C2orf76: variants seen among roughly 807,000 people sequenced by gnomAD.
C2orf76 encodes UPF0538 protein C2orf76.
A neutral mutation model predicts 16.9 loss-of-function variants in C2orf76; 23 were observed. The observed-to-expected ratio is 1.36, with a 90% CI of 0.98 to 1.93. The LOEUF is 1.93. Ranked by LOEUF, C2orf76 falls within the 30% of genes most tolerant of loss-of-function variation. C2orf76 has a pLI of 0.00. For missense variants in C2orf76, 152 were observed against 152.6 expected (o/e 1.00, Z 0.02); for synonymous variants, 48 against 52.3 (o/e 0.92, Z 0.35).
chr2:119,347,564 A>C (rs970346868), intron 1 of C2orf76, among the ~76,000 whole-genome samples: 1 of 152,104 alleles, frequency 6.6e-6, no homozygotes, highest in Non-Finnish European at 1.5e-5. Context: ...CAATTATAGA[A>C]GCGTAGATTA....
intron 1 of C2orf76, among the ~76,000 whole-genome samples, chr2:119,345,226 T>C (rs968989718): frequency 6.6e-6 from 1 of 152,196 alleles, no homozygotes; most frequent in Admixed American, 6.5e-5. Context: ...AACAGGCAAC[T>C]GGCTAAACTT....
the C2orf76 span, among the ~76,000 whole-genome samples, chr2:119,290,978 A>C: frequency 6.6e-6 from 1 of 152,014 alleles, no homozygotes; most frequent in Non-Finnish European, 1.5e-5. Context: ...AGGGGGACAA[A>C]CCTATTGAAC....
intron 2 of C2orf76, among the ~76,000 whole-genome samples, chr2:119,337,484 A>G (rs773690751): frequency 2.6e-5 from 4 of 152,204 alleles, no homozygotes; most frequent in Non-Finnish European, 4.4e-5. Flanking sequence ...TTCTTAGTAT[A>G]GTACCTGATA....
At chr2:119,327,566 T>A (rs1573645790) in intron 2 of C2orf76, among the ~76,000 whole-genome samples, 1 of 152,032 alleles carries the variant, frequency 6.6e-6, no homozygotes, top group African/African-American at 2.4e-5. Context: ...TCCTCCTCTA[T>A]TAGTTCACGT....
the C2orf76 span, among the ~76,000 whole-genome samples, chr2:119,295,142 A>T: frequency 4.6e-5 from 7 of 152,146 alleles, no homozygotes; most frequent in Non-Finnish European, 8.8e-5. Flanking sequence ...GACAGAGACG[A>T]CAAGAAAGTT....
chr2:119,311,293 A>C, intron 5 of C2orf76: 2 of 985,406 alleles, frequency 2.0e-6, no homozygotes, highest in Non-Finnish European at 2.4e-6. Flanking sequence ...ATTTCTCTCC[A>C]ACCATCGGCT....
chr2:119,351,164 T>G (rs934684824), intron 1 of C2orf76, among the ~76,000 whole-genome samples: 2 of 152,200 alleles, frequency 1.3e-5, no homozygotes, highest in African/African-American at 4.8e-5. Flanking sequence ...TCATGCATGT[T>G]TCTGTTGAAA....
intron 2 of C2orf76, among the ~76,000 whole-genome samples, chr2:119,327,653 T>C (rs946323544): frequency 6.6e-6 from 1 of 152,168 alleles, no homozygotes. Context: ...TATGGCATGC[T>C]ATGTGGCATG....
intron 1 of C2orf76, chr2:119,340,172 T>C: frequency 6.2e-6 from 3 of 484,524 alleles, no homozygotes. Context: ...TCCACTGCAA[T>C]CCTGGACAGC....
intron 3 of C2orf76, among the ~76,000 whole-genome samples, chr2:119,320,511 C>T (rs905499001): frequency 3.3e-5 from 5 of 151,974 alleles, no homozygotes; most frequent in African/African-American, 1.2e-4. Context: ...TGCATACACA[C>T]GGCGAAGATT....
At chr2:119,353,556 C>CTTT (rs755724739) in intron 1 of C2orf76, among the ~76,000 whole-genome samples, 1,425 of 124,532 alleles carry the variant, frequency 0.011, 44 homozygotes, top group African/African-American at 0.038. Context: ...CAAGAATTTT[C>CTTT]TTTTTTTTTT....
the C2orf76 span, among the ~76,000 whole-genome samples, chr2:119,285,436 G>A: frequency 3.3e-5 from 5 of 152,192 alleles, no homozygotes; most frequent in East Asian, 1.9e-4. Context: ...AAAGGCCCCG[G>A]AATTGGCCCC....
chr2:119,362,496 G>A (rs1219151603), intron 1 of C2orf76, among the ~76,000 whole-genome samples: 2 of 152,180 alleles, frequency 1.3e-5, no homozygotes, highest in Non-Finnish European at 2.9e-5. Context: ...GTGCAGCTAG[G>A]AGCTAAATAG....
At position 119,358,996 on chromosome 2, in the gene C2orf76, G is replaced by A. The variant is rs144584252; in HGVS notation, c.-13+7794C>T. Reference sequence around the variant, plus strand: ...TCTGCATAGCTAGGGAGAAGTCAACGCCTGGTTTTAAAGCTTCAAAGGACA... The same window carrying A: ...TCTGCATAGCTAGGGAGAAGTCAACACCTGGTTTTAAAGCTTCAAAGGACA... On this transcript the variant is annotated intron_variant, in intron 1 of 5. Coordinates refer to ENST00000334816, the MANE Select transcript of C2orf76 (RefSeq NM_001322331.2). Among the ~76,000 whole-genome samples, 749 of 152,250 alleles carry A rather than the reference G, an allele frequency of 4.9e-3. 3 individuals carry two copies. The highest frequency in any genetic ancestry group is 6.5e-3 in the Non-Finnish European group (443 of 68,028).
chr2:119,300,244 G>A (rs918920675), downstream of C2orf76, among the ~76,000 whole-genome samples: 12 of 152,178 alleles, frequency 7.9e-5, no homozygotes, highest in African/African-American at 2.9e-4. Flanking sequence ...TATTTGCCAC[G>A]GAACGCACGA....
intron 2 of C2orf76, chr2:119,338,761 C>T (rs72829498): frequency 0.11 from 16,078 of 152,250 alleles, 963 homozygotes; most frequent in South Asian, 0.16. Context: ...CGCACCACTA[C>T]CCCCCAGACC....
At chr2:119,345,193 T>C (rs187946516) in intron 1 of C2orf76, among the ~76,000 whole-genome samples, 2 of 152,186 alleles carry the variant, frequency 1.3e-5, no homozygotes, top group East Asian at 1.9e-4. Context: ...AATATCCTAA[T>C]AGAAACAAGG....
At chr2:119,349,115 T>C (rs748532514) in intron 1 of C2orf76, among the ~76,000 whole-genome samples, 26 of 152,240 alleles carry the variant, frequency 1.7e-4, no homozygotes, top group Non-Finnish European at 4.4e-5. Context: ...TACCAAAACA[T>C]TAACAGTGGC....
intron 5 of C2orf76, among the ~76,000 whole-genome samples, chr2:119,305,923 C>T (rs187935140): frequency 1.3e-3 from 180 of 137,692 alleles, no homozygotes; most frequent in African/African-American, 4.6e-3. Flanking sequence ...AAACAACTAG[C>T]CAAAAAAAAA....
Sources: gnomAD v4.1 joint callset for allele counts (sites outside exome capture counted in the v4.1 genomes callset) on GRCh38, gnomAD v4.1.1 for gene constraint, MANE v1.5 for transcripts, NCBI Gene and HGNC (gene_info 2026-07-23, HGNC 2026-07-21) for gene names.